The following MAGI1 variants were observed in gnomAD, a reference collection of about 807,000 sequenced individuals.
MAGI1 encodes membrane-associated guanylate kinase, WW and PDZ domain-containing protein 1.
In MAGI1, 58 loss-of-function variants were observed where a neutral mutation model predicts 139.9. That is an observed-to-expected ratio of 0.41 (90% CI 0.34 to 0.52). The LOEUF (loss-of-function observed/expected upper bound fraction) is 0.52. Ranked by LOEUF, MAGI1 falls within the 20% of genes least tolerant of loss-of-function variation. The probability of loss-of-function intolerance (pLI) is 0.12; values close to 1 mark genes in which losing one functional copy is unlikely to be tolerated. For missense variants in MAGI1, 1,874 were observed against 1,901.6 expected (o/e 0.99, Z 0.27); for synonymous variants, 812 against 737.9 (o/e 1.10, Z -1.63).
At chr3:65,855,607 GGAGATGGGGAGGA>G (rs2059348485) in intron 1 of MAGI1, among the ~76,000 whole-genome samples, 1 of 108,690 alleles carries the variant, frequency 9.2e-6, no homozygotes, top group Non-Finnish European at 1.8e-5. Flanking sequence ...GGAGGAGACG[GGAGATGGGGAGGA>G]GAGAGGGGAG....
intron 2 of MAGI1, among the ~76,000 whole-genome samples, chr3:65,615,479 T>C (rs1576487453): frequency 6.6e-6 from 1 of 152,144 alleles, no homozygotes; most frequent in Non-Finnish European, 1.5e-5. Context: ...GAGGTAAATA[T>C]AGATTCCACA....
At chr3:65,431,600 AG>A (rs1331633570) in intron 10 of MAGI1, among the ~76,000 whole-genome samples, 1 of 151,988 alleles carries the variant, frequency 6.6e-6, no homozygotes, top group African/African-American at 2.4e-5. Flanking sequence ...AAACAAACAA[AG>A]AAACCCCCCC....
intron 1 of MAGI1, among the ~76,000 whole-genome samples, chr3:65,998,608 T>A (rs764022659): frequency 6.6e-6 from 1 of 152,244 alleles, no homozygotes; most frequent in Admixed American, 6.5e-5. Context: ...CTGTTAGGCC[T>A]TCCTTATTTG....
intron 2 of MAGI1, among the ~76,000 whole-genome samples, chr3:65,568,479 G>A (rs775016331): frequency 2.6e-5 from 4 of 152,266 alleles, no homozygotes; most frequent in South Asian, 2.1e-4. Flanking sequence ...GAGTCACTGC[G>A]TATGAGCAAG....
At chr3:65,889,847 T>C (rs2060673382) in intron 1 of MAGI1, among the ~76,000 whole-genome samples, 1 of 152,172 alleles carries the variant, frequency 6.6e-6, no homozygotes, top group Non-Finnish European at 1.5e-5. Context: ...AAGCAGAATG[T>C]ACTGGTATAT....
chr3:65,957,389 C>G (rs1240885954), intron 1 of MAGI1, among the ~76,000 whole-genome samples: 2 of 149,558 alleles, frequency 1.3e-5, no homozygotes, highest in African/African-American at 4.9e-5. Context: ...AGGATGGTGG[C>G]ACATGCCTGT....
At chr3:65,992,960 G>A (rs562725364) in intron 1 of MAGI1, among the ~76,000 whole-genome samples, 33 of 152,196 alleles carry the variant, frequency 2.2e-4, no homozygotes, top group African/African-American at 7.7e-4. Flanking sequence ...GAGTAGATGG[G>A]ACTACAGGCA....
At chr3:65,827,570 C>G (rs1301612436) in intron 1 of MAGI1, among the ~76,000 whole-genome samples, 2 of 152,170 alleles carry the variant, frequency 1.3e-5, no homozygotes, top group East Asian at 3.9e-4. Context: ...ATACTCTGCT[C>G]CCTCCACGCA....
chr3:65,376,404 C>T (rs1277796363), intron 17 of MAGI1, among the ~76,000 whole-genome samples: 2 of 152,118 alleles, frequency 1.3e-5, no homozygotes, highest in Non-Finnish European at 2.9e-5. Context: ...ATGTTTTGTT[C>T]TTTCTCTGTT....
chr3:65,355,063 G>C lies in MAGI1; in HGVS notation c.*1315C>G, dbSNP rs1314908637. ...AGGTACAAGCAAACATTTTGGCTCA[G>C]CTAGGCAGTAATCCACTTAAACCAC... is the stretch of plus-strand genomic sequence containing the variant. On this transcript the variant is annotated 3_prime_UTR_variant, in exon 23 of 23. Coordinates refer to ENST00000402939, the MANE Select transcript of MAGI1 (RefSeq NM_001033057.2). 6.6e-6 allele frequency: 1 copy of C among 152,624 alleles called. No individual in the cohort carries two copies. The highest frequency in any genetic ancestry group is 1.5e-5 in the Non-Finnish European group (1 of 68,052). The allele number at this position is 152,624 out of a possible 1,614,324, so 9.5% of individuals were successfully genotyped here. A position where few individuals can be genotyped will look rare whatever the true frequency, so the allele number is the denominator to read the frequency against.
intron 1 of MAGI1, among the ~76,000 whole-genome samples, chr3:65,753,932 G>C (rs890643018): frequency 6.6e-6 from 1 of 152,110 alleles, no homozygotes; most frequent in African/African-American, 2.4e-5. Context: ...CATGGGAAAG[G>C]ACCACACAGC....
At chr3:65,363,239 C>T (rs1169327193) in intron 21 of MAGI1, among the ~76,000 whole-genome samples, 1 of 152,088 alleles carries the variant, frequency 6.6e-6, no homozygotes, top group Non-Finnish European at 1.5e-5. Flanking sequence ...TCCTTTATTC[C>T]CTATATCAAC....
At chr3:65,440,869 A>G (rs1948262397) in intron 8 of MAGI1, among the ~76,000 whole-genome samples, 1 of 150,364 alleles carries the variant, frequency 6.7e-6, no homozygotes, top group South Asian at 2.1e-4. Context: ...ATATATGTAT[A>G]CACATATATG....
intron 1 of MAGI1, among the ~76,000 whole-genome samples, chr3:65,892,934 T>C (rs961731927): frequency 6.6e-6 from 1 of 152,092 alleles, no homozygotes; most frequent in Non-Finnish European, 1.5e-5. Flanking sequence ...CAAACAGAAA[T>C]GTGAGCTCAG....
intron 5 of MAGI1, among the ~76,000 whole-genome samples, chr3:65,461,897 A>G (rs1452586434): frequency 2.0e-5 from 3 of 152,046 alleles, no homozygotes; most frequent in African/African-American, 7.2e-5. Context: ...TTTTTTTCAC[A>G]TATTTGTTGG....
chr3:65,488,114 C>T (rs1369335468), intron 3 of MAGI1, among the ~76,000 whole-genome samples: 1 of 152,136 alleles, frequency 6.6e-6, no homozygotes, highest in African/African-American at 2.4e-5. Flanking sequence ...AGCCATCCTT[C>T]TAATCCTCTC....
Position 65,936,715 on chromosome 3 carries a change from G to A in MAGI1, c.313+101281C>T, listed in dbSNP as rs116946237. On this transcript the variant is annotated intron_variant, in intron 1 of 22. Coordinates refer to ENST00000402939, the MANE Select transcript of MAGI1 (RefSeq NM_001033057.2). ...AAGTACCTTACACCTTCAAAGTCTC[G>A]TGCGGGGTGTGTGTGTATCTGTGTG... Among the ~76,000 whole-genome samples the A allele has an allele frequency of 7.5e-3, 1,133 of 152,072 alleles. 11 individuals are homozygous for A. The highest frequency in any genetic ancestry group is 0.042 in the East Asian group (218 of 5,174).
intron 1 of MAGI1, among the ~76,000 whole-genome samples, chr3:65,703,551 C>A (rs1399261955): frequency 6.6e-6 from 1 of 152,186 alleles, no homozygotes; most frequent in Non-Finnish European, 1.5e-5. Flanking sequence ...TTCCTGAGCT[C>A]CTCCCAGAAA....
chr3:65,602,393 G>A (rs974504794), intron 2 of MAGI1, among the ~76,000 whole-genome samples: 2 of 152,052 alleles, frequency 1.3e-5, no homozygotes, highest in Non-Finnish European at 2.9e-5. Context: ...ATACTGATAC[G>A]ACATGGATAA....
Sources: gnomAD v4.1 joint callset for allele counts (sites outside exome capture counted in the v4.1 genomes callset) on GRCh38, gnomAD v4.1.1 for gene constraint, MANE v1.5 for transcripts, NCBI Gene and HGNC (gene_info 2026-07-23, HGNC 2026-07-21) for gene names.